The following RBL1 variants were observed in gnomAD, a reference collection of about 807,000 sequenced individuals.
The protein encoded by RBL1 is RB transcriptional corepressor like 1, also known as retinoblastoma-like protein 1.
A neutral mutation model predicts 123.0 loss-of-function variants in RBL1; 82 were observed. The ratio of observed to expected loss-of-function variants is 0.67; its 90% CI spans 0.56 to 0.80. The LOEUF (loss-of-function observed/expected upper bound fraction) is 0.80, where lower values mean the gene tolerates loss of function less well. RBL1 is among the 30% of genes least tolerant of loss of function. The pLI, the probability that RBL1 is intolerant of heterozygous loss-of-function variation, is 0.00. For synonymous variants in RBL1, 405 were observed against 441.3 expected, an observed-to-expected ratio of 0.92 and a Z score of 1.03; for missense variants, 1,171 against 1,299.6, an observed-to-expected ratio of 0.90 and a Z score of 1.52.
At chr20:37,051,961 T>C (rs1172106330) in intron 11 of RBL1, among the ~76,000 whole-genome samples, 1 of 151,876 alleles carries the variant, frequency 6.6e-6, no homozygotes, top group Admixed American at 6.6e-5. Flanking sequence ...GGAGTGGTTA[T>C]TCATAAACAT....
At chr20:37,063,328 A>G (rs759629649) in intron 7 of RBL1, among the ~76,000 whole-genome samples, 5 of 151,900 alleles carry the variant, frequency 3.3e-5, no homozygotes, top group Non-Finnish European at 7.4e-5. Context: ...GGTGTGAGTC[A>G]CTTCGAGCTT....
intron 2 of RBL1, among the ~76,000 whole-genome samples, chr20:37,085,860 AGG>A (rs1034491475): frequency 1.3e-5 from 2 of 151,938 alleles, no homozygotes; most frequent in Non-Finnish European, 2.9e-5. Flanking sequence ...TGTGTTAGCC[AGG>A]ATGGTCTCGA....
rs543125861 is a variant in RBL1 at position 37,026,854 on chromosome 20, T to C, written c.2383-4028A>G. 2.0e-5 allele frequency among the ~76,000 whole-genome samples: 3 copies of C among 149,992 alleles called. 1 individual carries two copies. The highest frequency in any genetic ancestry group is 2.1e-4 in the South Asian group (1 of 4,712). ...CCTGTCTCTACTAAAAATAAAAAAA[T>C]TAGCTGGGCATGGTGGTGCGTCCCT... is the stretch of plus-strand genomic sequence containing the variant. On this transcript the variant is annotated intron_variant, in intron 16 of 21. Transcript: ENST00000373664.
chr20:37,048,948 TC>T (rs1357460085), intron 11 of RBL1, among the ~76,000 whole-genome samples: 1 of 143,762 alleles, frequency 7.0e-6, no homozygotes, highest in Non-Finnish European at 1.5e-5. Context: ...AAGCCTGTAA[TC>T]CCAGCACTTT....
At chr20:37,015,275 C>T (rs2064231829) in intron 19 of RBL1, among the ~76,000 whole-genome samples, 1 of 152,110 alleles carries the variant, frequency 6.6e-6, no homozygotes, top group South Asian at 2.1e-4. Flanking sequence ...AGCTCAGATA[C>T]TTGCTAGCAG....
At chr20:37,018,470 T>C in intron 18 of RBL1, 101 bp from the exon 19 acceptor site, 1 of 1,436,964 alleles carries the variant, frequency 7.0e-7, no homozygotes, top group East Asian at 2.5e-5. Context: ...TTAAAAACTA[T>C]TTGTCTGTAT....
chr20:37,066,639 C>T (rs934499018), intron 6 of RBL1, 85 bp downstream of exon 6: 7 of 1,271,852 alleles, frequency 5.5e-6, no homozygotes, highest in Non-Finnish European at 6.6e-6. Context: ...TTCTATAATG[C>T]TGAGAACTTG....
In RBL1 at chr20:37,049,066, G is replaced by A. The variant is rs149422984; in HGVS notation, c.1468-1876C>T. Among the ~76,000 whole-genome samples the A allele has an allele frequency of 3.9e-4, 60 of 152,082 alleles. No homozygotes were observed. The East Asian group carries it at 9.7e-3, about 25-fold the overall frequency. ...AAAAACACAAAAATTAGCTGGGCGT[G>A]GTGGCATATGCCTATAGTCCCAGCT... is the stretch of plus-strand genomic sequence containing the variant. On this transcript the variant is annotated intron_variant, in intron 11 of 21. Transcript: ENST00000373664.
At position 37,095,780 on chromosome 20, in the gene RBL1, C is replaced by A; in HGVS notation, c.149G>T (p.Ser50Ile). The A allele has an allele frequency of 6.2e-7, 1 of 1,608,564 alleles. No homozygotes were observed. Among genetic ancestry groups the A allele is most frequent in the Non-Finnish European group, 8.5e-7 (1 of 1,177,738 alleles). The change falls in exon 1 of 22, where the codon AGC (serine) becomes ATC (isoleucine). Residue 50 changes from serine (S) to isoleucine (I), a missense_variant. Coordinates refer to ENST00000373664, the MANE Select transcript of RBL1 (RefSeq NM_002895.5). ...DDFTAIRGNY[S>I]LEGEVTHWLA... The stretch of plus-strand genomic sequence containing the variant: ...CCACCTGCTGCCGCTCACCTCTAGG[C>A]TGTAGTTGCCTCGGATGGCAGTAAA...
intron 2 of RBL1, among the ~76,000 whole-genome samples, chr20:37,086,836 A>G (rs1402017995): frequency 6.6e-6 from 1 of 152,230 alleles, no homozygotes; most frequent in Non-Finnish European, 1.5e-5. Flanking sequence ...AAAAATTAAT[A>G]TACAGTAGAG....
chr20:37,022,951 G>T, intron 16 of RBL1, 125 bp from the exon 17 acceptor site: 1 of 750,174 alleles, frequency 1.3e-6, no homozygotes, highest in Non-Finnish European at 2.1e-6. Context: ...TAAAATTTCT[G>T]TTCTATAGCA....
chr20:37,000,038 G>C (rs1402344592), intron 21 of RBL1, among the ~76,000 whole-genome samples: 1 of 151,434 alleles, frequency 6.6e-6, no homozygotes, highest in Admixed American at 6.6e-5. Context: ...ATCCCATCTA[G>C]GAAGTGAGGA....
At chr20:37,008,824 G>A (rs1207237927) in intron 19 of RBL1, among the ~76,000 whole-genome samples, 1 of 141,902 alleles carries the variant, frequency 7.0e-6, no homozygotes, top group Non-Finnish European at 1.5e-5. Flanking sequence ...ATTTCTAAAG[G>A]ATCTTGACGA....
At chr20:37,022,222 G>T (rs1370896097) in intron 17 of RBL1, among the ~76,000 whole-genome samples, 1 of 152,196 alleles carries the variant, frequency 6.6e-6, no homozygotes, top group Non-Finnish European at 1.5e-5. Flanking sequence ...AAACAAGCAA[G>T]ATATGTTATT....
chr20:37,017,625 T>TGTGTGTGA (rs1368143252), intron 19 of RBL1, among the ~76,000 whole-genome samples: 4 of 149,414 alleles, frequency 2.7e-5, no homozygotes, highest in Non-Finnish European at 5.9e-5. Flanking sequence ...TTTTCTTGTG[T>TGTGTGTGA]GTGTGTGTGT....
intron 20 of RBL1, among the ~76,000 whole-genome samples, chr20:37,005,249 A>C (rs1176486736): frequency 1.3e-5 from 2 of 151,996 alleles, no homozygotes; most frequent in African/African-American, 4.8e-5. Context: ...TCTACTAAAA[A>C]TACGAAAATC....
In RBL1 at chr20:37,009,141, C is replaced by T. The variant is rs146789970; in HGVS notation, c.2723-1582G>A. 2.9e-3 allele frequency among the ~76,000 whole-genome samples: 446 copies of T among 152,232 alleles called. 1 individual carries two copies. Among genetic ancestry groups the T allele is most frequent in the African/African-American group, 0.01 (436 of 41,538 alleles). On this transcript the variant is annotated intron_variant, in intron 19 of 21. Coordinates refer to ENST00000373664, the MANE Select transcript of RBL1 (RefSeq NM_002895.5). ...CTGGGATCCAGCGACTCTCCTGCCT[C>T]AGCCTCCTGGGTAGCTGGGATTACA...
intron 2 of RBL1, among the ~76,000 whole-genome samples, chr20:37,076,217 C>T (rs1454404028): frequency 6.6e-6 from 1 of 152,136 alleles, no homozygotes; most frequent in African/African-American, 2.4e-5. Context: ...TCAAGAGATG[C>T]CTGAAACTGC....
At chr20:36,999,630 T>TGCAGGCACGC (rs1555844768) in intron 21 of RBL1, among the ~76,000 whole-genome samples, 4 of 147,524 alleles carry the variant, frequency 2.7e-5, no homozygotes, top group Non-Finnish European at 6.0e-5. Flanking sequence ...TGCCTGCGAT[T>TGCAGGCACGC]GCAGGCACGC....
Sources: allele counts gnomAD v4.1 joint callset (sites outside exome capture counted in the v4.1 genomes callset), GRCh38; gene constraint gnomAD v4.1.1; transcripts MANE v1.5; gene names NCBI Gene and HGNC (gene_info 2026-07-23, HGNC 2026-07-21).